The following TMPRSS11F variants were observed in gnomAD, a reference collection of about 807,000 sequenced individuals.
TMPRSS11F encodes the protein transmembrane serine protease 11F, also known as transmembrane protease serine 11F.
A neutral mutation model predicts 60.2 loss-of-function variants in TMPRSS11F; 47 were observed. The observed-to-expected ratio is 0.78, with a 90% CI of 0.62 to 1.00. The LOEUF (loss-of-function observed/expected upper bound fraction) is 1.00. TMPRSS11F is among the 50% of genes least tolerant of loss of function. The probability of loss-of-function intolerance (pLI) is 0.00; values close to 1 mark genes in which losing one functional copy is unlikely to be tolerated. For missense variants in TMPRSS11F, 519 were observed against 522.9 expected, an observed-to-expected ratio of 0.99 and a Z score of 0.07; for synonymous variants, 166 against 167.3, an observed-to-expected ratio of 0.99 and a Z score of 0.06.
At chr4:68,120,933 C>T (rs1212681412) in intron 1 of TMPRSS11F, among the ~76,000 whole-genome samples, 2 of 152,154 alleles carry the variant, frequency 1.3e-5, no homozygotes, top group African/African-American at 2.4e-5. Flanking sequence ...TGTTTTTGCA[C>T]ATTTAATAGA....
intron 1 of TMPRSS11F, among the ~76,000 whole-genome samples, chr4:68,102,984 G>GTTTTTT: frequency 7.2e-6 from 1 of 138,192 alleles, no homozygotes; most frequent in African/African-American, 2.7e-5. Context: ...ATTTTGAGTT[G>GTTTTTT]TTTTTTTTTT....
rs1553885921 is a variant in TMPRSS11F, at chr4:68,072,230, A to AAAT, written c.514+92_514+93insATT. The AAAT allele has an allele frequency of 3.6e-4, 33 of 92,808 alleles. 2 individuals are homozygous for AAAT. Among genetic ancestry groups the AAAT allele is most frequent in the Admixed American group, 1.9e-3 (16 of 8,624 alleles). The allele number at this position is 92,808 out of a possible 1,614,324, so 5.7% of individuals were successfully genotyped here. The stretch of plus-strand genomic sequence containing the variant: ...ATATATATATATCTTCCAAAAAAAA[A>AAAT]ATATATATATATATATATATTGCTT... On this transcript the variant is annotated intron_variant, in intron 5 of 9. Transcript: ENST00000356291.
At chr4:68,093,856 C>G (rs1377060076) in intron 2 of TMPRSS11F, among the ~76,000 whole-genome samples, 1 of 148,152 alleles carries the variant, frequency 6.7e-6, no homozygotes, top group Non-Finnish European at 1.5e-5. Context: ...GAGATACCAT[C>G]TCACACCAGT....
At chr4:68,103,169 A>G (rs528526188) in intron 1 of TMPRSS11F, among the ~76,000 whole-genome samples, 2 of 152,136 alleles carry the variant, frequency 1.3e-5, no homozygotes, top group Non-Finnish European at 2.9e-5. Context: ...GGCCAGGCAC[A>G]GTGGCTCATG....
chr4:68,089,670 T>C (rs1047196938), intron 3 of TMPRSS11F, among the ~76,000 whole-genome samples: 1 of 152,134 alleles, frequency 6.6e-6, no homozygotes, highest in African/African-American at 2.4e-5. Context: ...AATCAACTTA[T>C]GTAAATAACA....
chr4:68,068,966 C>G (rs1723395393), intron 6 of TMPRSS11F, 147 bp from the exon 7 acceptor site: 3 of 757,038 alleles, frequency 4.0e-6, no homozygotes, highest in Non-Finnish European at 4.3e-6. Context: ...TGATACAGGT[C>G]TTGCTGATCC....
chr4:68,083,349 C>G (rs754475296), intron 3 of TMPRSS11F, among the ~76,000 whole-genome samples: 1 of 152,084 alleles, frequency 6.6e-6, no homozygotes, highest in Non-Finnish European at 1.5e-5. Flanking sequence ...AGGGATGGAC[C>G]TGGTAAGAGC....
At chr4:68,124,992 C>T (rs1177214621) in intron 1 of TMPRSS11F, among the ~76,000 whole-genome samples, 19 of 102,012 alleles carry the variant, frequency 1.9e-4, no homozygotes, top group African/African-American at 5.6e-4. Context: ...ACTTTTCAAT[C>T]CTTGATGCTT....
At position 68,065,087 on chromosome 4, in the gene TMPRSS11F, G is replaced by GA. The variant is rs980766236; in HGVS notation, c.756-144dup. ...AAGTTTGTAGTTGATAACATAATAGGAAAAAAATTGTTTTTAAATTTATTA... is the reference window on the plus strand; with the variant it reads ...AAGTTTGTAGTTGATAACATAATAGGAAAAAAAATTGTTTTTAAATTTATTA... On this transcript the variant is annotated intron_variant, in intron 7 of 9. Transcript: ENST00000356291. 6.0e-5 allele frequency: 44 copies of GA among 736,866 alleles called. No individual in the cohort carries two copies. In the African/African-American group the frequency reaches 6.2e-4, roughly 10 times the overall value. The allele number at this position is 736,866 out of a possible 1,614,324, so 45.6% of individuals were successfully genotyped here.
intron 2 of TMPRSS11F, among the ~76,000 whole-genome samples, chr4:68,091,136 C>T (rs914451987): frequency 6.6e-6 from 1 of 152,152 alleles, no homozygotes; most frequent in South Asian, 2.1e-4. Flanking sequence ...TCTCTGCAAT[C>T]TGTTCCTAAC....
intron 7 of TMPRSS11F, 24 bp downstream of exon 7, chr4:68,068,594 T>C (rs754759477): frequency 3.1e-6 from 5 of 1,605,696 alleles, no homozygotes; most frequent in Non-Finnish European, 4.3e-6. Flanking sequence ...AAAAGAAGGC[T>C]CACAGCAGCC....
chr4:68,077,538 A>G (rs958860124), intron 3 of TMPRSS11F: 11 of 152,246 alleles, frequency 7.2e-5, no homozygotes, highest in Non-Finnish European at 1.6e-4. Context: ...TGATGTCAGG[A>G]TCCACTTAAG....
At chr4:68,101,803 T>A (rs1173848127) in intron 1 of TMPRSS11F, among the ~76,000 whole-genome samples, 1 of 152,168 alleles carries the variant, frequency 6.6e-6, no homozygotes, top group Admixed American at 6.6e-5. Flanking sequence ...CACTTATCCT[T>A]TATCTCACCT....
intron 3 of TMPRSS11F, among the ~76,000 whole-genome samples, chr4:68,087,056 C>A (rs775436793): frequency 3.3e-5 from 5 of 151,978 alleles, no homozygotes; most frequent in African/African-American, 4.8e-5. Context: ...CAAAATTTGA[C>A]AAAGATACGT....
At chr4:68,108,340 A>C (rs1016698644) in intron 1 of TMPRSS11F, among the ~76,000 whole-genome samples, 3 of 152,208 alleles carry the variant, frequency 2.0e-5, no homozygotes, top group African/African-American at 4.8e-5. Context: ...ATTAATGCTT[A>C]TATGGAACTC....
chr4:68,119,044 C>T (rs1335245646), intron 1 of TMPRSS11F, among the ~76,000 whole-genome samples: 1 of 151,986 alleles, frequency 6.6e-6, no homozygotes, highest in African/African-American at 2.4e-5. Flanking sequence ...AAGTGTTATT[C>T]CAGTGAATAA....
chr4:68,057,929 T>C (rs192194506), intron 9 of TMPRSS11F, among the ~76,000 whole-genome samples: 37 of 152,304 alleles, frequency 2.4e-4, no homozygotes, highest in African/African-American at 8.7e-4. Flanking sequence ...CATACATGAA[T>C]CTAGAGGACA....
intron 1 of TMPRSS11F, among the ~76,000 whole-genome samples, chr4:68,119,803 C>T (rs757359116): frequency 3.3e-5 from 5 of 152,132 alleles, no homozygotes; most frequent in South Asian, 2.1e-4. Context: ...CTGCAGTCCA[C>T]GGATCAAGGA....
In TMPRSS11F at chr4:68,128,516, T is replaced by C. The variant is rs138962430; in HGVS notation, c.11+1294A>G. Among the ~76,000 whole-genome samples, 231 of 144,670 alleles carry C rather than the reference T, an allele frequency of 1.6e-3. 2 individuals are homozygous for C. Among genetic ancestry groups the C allele is most frequent in the African/African-American group, 5.6e-3 (226 of 40,032 alleles). The allele number at this position is 144,670 out of a possible 152,430, so 94.9% of individuals were successfully genotyped here. ...ATATAGAAATTTCATGTTGTAATGA[T>C]ATTTTCAGGGTGGAAAAGTGAGTGT... is the stretch of plus-strand genomic sequence containing the variant. On this transcript the variant is annotated intron_variant, in intron 1 of 9. Coordinates refer to ENST00000356291, the MANE Select transcript of TMPRSS11F (RefSeq NM_207407.2).
Sources: gnomAD v4.1 joint callset for allele counts (sites outside exome capture counted in the v4.1 genomes callset) on GRCh38, gnomAD v4.1.1 for gene constraint, MANE v1.5 for transcripts, NCBI Gene and HGNC (gene_info 2026-07-23, HGNC 2026-07-21) for gene names.